CCDC158: variants seen among roughly 807,000 people sequenced by gnomAD.
CCDC158 encodes coiled-coil domain containing 158, also known as coiled-coil domain-containing protein 158.
Under a neutral mutation model 138.6 loss-of-function variants are expected in CCDC158, and 116 were observed. The ratio of observed to expected loss-of-function variants is 0.84; its 90% confidence interval spans 0.72 to 0.98. The LOEUF (loss-of-function observed/expected upper bound fraction) is 0.98. CCDC158 is among the 50% of genes least tolerant of loss of function. CCDC158 has a pLI of 0.00. For synonymous variants in CCDC158, 436 were observed against 442.4 expected, an observed-to-expected ratio of 0.99 and a Z score of 0.18; for missense variants, 1,265 against 1,306.1, an observed-to-expected ratio of 0.97 and a Z score of 0.48.
intron 1 of CCDC158, among the ~76,000 whole-genome samples, chr4:76,412,935 G>A (rs13434800): frequency 0.029 from 4,461 of 152,164 alleles, 220 homozygotes; most frequent in African/African-American, 0.1. Flanking sequence ...CTCAGACCTG[G>A]CCTTTCTCCA....
intron 9 of CCDC158, chr4:76,375,368 G>A (rs541184368): frequency 3.8e-5 from 17 of 445,922 alleles, no homozygotes; most frequent in African/African-American, 3.0e-4. Context: ...TGTTGGTGGT[G>A]GTGTTTTCTG....
intron 21 of CCDC158, among the ~76,000 whole-genome samples, chr4:76,330,213 G>C (rs375978015): frequency 2.0e-5 from 3 of 151,944 alleles, no homozygotes; most frequent in Non-Finnish European, 4.4e-5. Flanking sequence ...TCATAAACAC[G>C]GGCTCAGGAG....
At chr4:76,355,965 C>T (rs1723522633) in intron 14 of CCDC158, among the ~76,000 whole-genome samples, 1 of 151,964 alleles carries the variant, frequency 6.6e-6, no homozygotes, top group Non-Finnish European at 1.5e-5. Context: ...ATCACAAACC[C>T]TTCAATTTTT....
At chr4:76,362,713 A>C (rs1173347069) in intron 12 of CCDC158, among the ~76,000 whole-genome samples, 1 of 152,218 alleles carries the variant, frequency 6.6e-6, no homozygotes, top group Non-Finnish European at 1.5e-5. Flanking sequence ...AGGGTAATGC[A>C]AGTGAAGCAG....
intron 23 of CCDC158, 25 bp downstream of exon 23, chr4:76,325,832 G>A (rs747965021): frequency 3.0e-5 from 48 of 1,591,150 alleles, no homozygotes; most frequent in South Asian, 2.5e-4. Flanking sequence ...AATTAATCAC[G>A]TCAATGATAT....
At chr4:76,398,996 T>C (rs1281687003) in intron 3 of CCDC158, among the ~76,000 whole-genome samples, 1 of 152,238 alleles carries the variant, frequency 6.6e-6, no homozygotes, top group Non-Finnish European at 1.5e-5. Context: ...ACACATTAGA[T>C]AATACTGTAT....
At chr4:76,360,790 T>A (rs1341117680) in intron 13 of CCDC158, among the ~76,000 whole-genome samples, 1 of 152,232 alleles carries the variant, frequency 6.6e-6, no homozygotes, top group Non-Finnish European at 1.5e-5. Context: ...ATTTGCCTTG[T>A]CTCAGATGAG....
chr4:76,345,029 T>G, intron 18 of CCDC158: 1 of 1,385,660 alleles, frequency 7.2e-7, no homozygotes, highest in Non-Finnish European at 1.0e-6. Context: ...CCTTACTAAT[T>G]ATTACAATAG....
At position 76,384,167 on chromosome 4, in the gene CCDC158, C is replaced by A. The variant is rs200016692; in HGVS notation, c.647G>T (p.Arg216Leu). ...TTTACTAATAGCTGAGCCCAAGCTGCGGAAGTGCAGAGTAGACATGCTGTC... is the reference window on the plus strand; with the variant it reads ...TTTACTAATAGCTGAGCCCAAGCTGAGGAAGTGCAGAGTAGACATGCTGTC... Reference protein sequence around the residue: ...EHDSMSTLHFRSLGSAISKIL... With the variant: ...EHDSMSTLHFLSLGSAISKIL... The change falls in exon 6 of 25, where the codon CGC becomes CTC. Residue 216 changes from arginine to leucine, a missense_variant. Arg to Leu is a moderately radical substitution (Grantham distance 102). Coordinates refer to ENST00000682701, the MANE Select transcript of CCDC158 (RefSeq NM_001394954.1). The A allele has an allele frequency of 1.2e-6, 2 of 1,613,926 alleles. No homozygotes were observed. The highest frequency in any genetic ancestry group is 1.7e-6 in the Non-Finnish European group (2 of 1,179,974).
Position 76,345,268 on chromosome 4 carries a change from A to G in CCDC158, c.2664+5728T>C. ...AAGCTAACAGAGCTCCAACGATACTACATGCTCAACATCGAAGCTGCTAAG... is the reference window on the plus strand; with the variant it reads ...AAGCTAACAGAGCTCCAACGATACTGCATGCTCAACATCGAAGCTGCTAAG... On this transcript the variant is annotated intron_variant, in intron 18 of 24. Coordinates refer to ENST00000682701, the MANE Select transcript of CCDC158 (RefSeq NM_001394954.1). 4 of 935,776 alleles carry G rather than the reference A, an allele frequency of 4.3e-6. No homozygotes were observed. In the South Asian group the frequency reaches 5.2e-5, roughly 12 times the overall value. 58.0% of individuals were successfully genotyped at this position (935,776 alleles called of 1,614,324 possible). A position where few individuals can be genotyped will look rare whatever the true frequency, so the allele number is the denominator to read the frequency against.
chr4:76,353,824 C>G (rs1480128519), intron 15 of CCDC158, among the ~76,000 whole-genome samples: 1 of 152,108 alleles, frequency 6.6e-6, no homozygotes, highest in Non-Finnish European at 1.5e-5. Flanking sequence ...TGCTATTAAA[C>G]AACATTTCAT....
intron 1 of CCDC158, among the ~76,000 whole-genome samples, chr4:76,418,723 A>G (rs867199220): frequency 1.9e-4 from 29 of 152,280 alleles, no homozygotes; most frequent in Admixed American, 7.2e-4. Context: ...ACCTGCCCCC[A>G]TGATTCAATT....
Position 76,334,046 on chromosome 4 carries a change from T to C in CCDC158, c.2786A>G (p.Asp929Gly). Reference protein sequence around the residue: ...PAVSLSKTEEDGRTSLGALYV... With the variant: ...PAVSLSKTEEGGRTSLGALYV... Reference sequence around the variant, plus strand: ...CAAGGCTCCCAGAGATGTTCTTCCATCTTCCTCTGTCTTGCTCAGAGACAC... The same window carrying C: ...CAAGGCTCCCAGAGATGTTCTTCCACCTTCCTCTGTCTTGCTCAGAGACAC... The change falls in exon 19 of 25, where the codon GAT becomes GGT. Residue 929 changes from aspartate (D) to glycine (G), a missense_variant. Physicochemically the swap from Asp to Gly is moderately conservative, Grantham distance 94. Coordinates refer to ENST00000682701, the MANE Select transcript of CCDC158 (RefSeq NM_001394954.1). 6.2e-7 allele frequency: 1 copy of C among 1,613,366 alleles called. No homozygotes were observed. The highest frequency in any genetic ancestry group is 8.5e-7 in the Non-Finnish European group (1 of 1,179,490).
intron 2 of CCDC158, among the ~76,000 whole-genome samples, chr4:76,409,112 T>A (rs1360475777): frequency 3.9e-5 from 6 of 152,224 alleles, no homozygotes; most frequent in Non-Finnish European, 5.9e-5. Flanking sequence ...AGTTATTTTG[T>A]GTGTGTATTT....
chr4:76,385,632 C>T (rs1016853369), intron 4 of CCDC158, among the ~76,000 whole-genome samples: 3 of 151,510 alleles, frequency 2.0e-5, no homozygotes, highest in East Asian at 3.9e-4. Flanking sequence ...GAGATTTAAC[C>T]GAGGTGAAAA....
intron 3 of CCDC158, among the ~76,000 whole-genome samples, chr4:76,400,298 G>T (rs568566306): frequency 6.6e-5 from 10 of 150,428 alleles, no homozygotes; most frequent in Non-Finnish European, 1.5e-4. Context: ...GCAAACTATC[G>T]CAAGGACAGA....
At chr4:76,326,152 A>G in intron 22 of CCDC158, 137 bp from the exon 23 acceptor site, 1 of 690,414 alleles carries the variant, frequency 1.4e-6, no homozygotes, top group Non-Finnish European at 2.4e-6. Flanking sequence ...TAAATACCCA[A>G]GATTTGGGGT....
At chr4:76,417,977 T>G (rs1729829020) in intron 1 of CCDC158, among the ~76,000 whole-genome samples, 1 of 152,210 alleles carries the variant, frequency 6.6e-6, no homozygotes, top group South Asian at 2.1e-4. Context: ...AGGAACACTG[T>G]GCTTATCACT....
chr4:76,406,525 C>T, intron 2 of CCDC158, among the ~76,000 whole-genome samples: 1 of 152,186 alleles, frequency 6.6e-6, no homozygotes, highest in East Asian at 1.9e-4. Context: ...ATACTTTCCT[C>T]TCCAAGGGCA....
Sources: allele counts gnomAD v4.1 joint callset (sites outside exome capture counted in the v4.1 genomes callset), GRCh38; gene constraint gnomAD v4.1.1; transcripts MANE v1.5; gene names NCBI Gene and HGNC (gene_info 2026-07-23, HGNC 2026-07-21).